The following SMYD3 variants were observed in gnomAD, a reference collection of about 807,000 sequenced individuals.
SMYD3 encodes histone-lysine N-methyltransferase SMYD3.
A neutral mutation model predicts 57.7 loss-of-function variants in SMYD3; 36 were observed. That is an observed-to-expected ratio of 0.62 (90% CI 0.48 to 0.82). The LOEUF (loss-of-function observed/expected upper bound fraction) is 0.82, where lower values mean the gene tolerates loss of function less well. SMYD3 is among the 40% of genes least tolerant of loss of function. The pLI is 0.00. For synonymous variants in SMYD3, 211 were observed against 195.0 expected, an observed-to-expected ratio of 1.08 and a Z score of -0.68; for missense variants, 515 against 538.8, an observed-to-expected ratio of 0.96 and a Z score of 0.44.
At chr1:246,366,615 C>T (rs2066106437) in intron 1 of SMYD3, among the ~76,000 whole-genome samples, 2 of 151,614 alleles carry the variant, frequency 1.3e-5, no homozygotes, top group Non-Finnish European at 2.9e-5. Flanking sequence ...TAATTTCAAC[C>T]TCAGTGACAC....
At chr1:246,187,950 C>T (rs946095301) in intron 5 of SMYD3, among the ~76,000 whole-genome samples, 1 of 151,792 alleles carries the variant, frequency 6.6e-6, no homozygotes, top group East Asian at 1.9e-4. Flanking sequence ...ACATTCCTCA[C>T]GTGCACTGAG....
chr1:245,920,235 C>T (rs939747425), intron 7 of SMYD3, among the ~76,000 whole-genome samples: 9 of 146,660 alleles, frequency 6.1e-5, no homozygotes, highest in African/African-American at 2.0e-4. Context: ...ATGGCGTGAA[C>T]TCGGGAGGCG....
chr1:246,352,680 A>G (rs1311623599), intron 2 of SMYD3, among the ~76,000 whole-genome samples: 1 of 152,170 alleles, frequency 6.6e-6, no homozygotes, highest in Non-Finnish European at 1.5e-5. Context: ...AACAGCTAAT[A>G]TATGTAGTAA....
At chr1:245,889,224 A>G (rs979905934) in intron 8 of SMYD3, among the ~76,000 whole-genome samples, 14 of 152,212 alleles carry the variant, frequency 9.2e-5, no homozygotes, top group African/African-American at 3.1e-4. Flanking sequence ...GTTGAGCCCG[A>G]TTAACAGATA....
intron 8 of SMYD3, among the ~76,000 whole-genome samples, chr1:245,882,179 A>T (rs1315791168): frequency 6.6e-6 from 1 of 152,162 alleles, no homozygotes; most frequent in African/African-American, 2.4e-5. Flanking sequence ...CACTCACAGG[A>T]TTATACATGT....
At chr1:246,383,943 G>GTATT (rs2066429011) in intron 1 of SMYD3, among the ~76,000 whole-genome samples, 1 of 152,058 alleles carries the variant, frequency 6.6e-6, no homozygotes. Context: ...AACATTTATA[G>GTATT]TCAAGGGAAA....
chr1:245,986,107 G>A (rs903579568), intron 5 of SMYD3, among the ~76,000 whole-genome samples: 2 of 152,172 alleles, frequency 1.3e-5, no homozygotes, highest in Non-Finnish European at 1.5e-5. Flanking sequence ...CGTTTTTAGC[G>A]TTTAATTCTC....
intron 8 of SMYD3, among the ~76,000 whole-genome samples, chr1:245,910,405 A>G (rs1313211627): frequency 6.6e-6 from 1 of 152,172 alleles, no homozygotes; most frequent in African/African-American, 2.4e-5. Flanking sequence ...CCATATCAAA[A>G]TATCAATGAC....
chr1:246,012,043 T>G (rs2059291456), intron 5 of SMYD3, among the ~76,000 whole-genome samples: 1 of 152,148 alleles, frequency 6.6e-6, no homozygotes, highest in Non-Finnish European at 1.5e-5. Flanking sequence ...AATATCATTA[T>G]CCACTGATAC....
At chr1:246,303,294 C>T (rs117050949) in intron 5 of SMYD3, among the ~76,000 whole-genome samples, 1 of 152,138 alleles carries the variant, frequency 6.6e-6, no homozygotes, top group African/African-American at 2.4e-5. Flanking sequence ...GATTCCTGCA[C>T]CCCTGGAGTA....
intron 1 of SMYD3, among the ~76,000 whole-genome samples, chr1:246,362,187 C>T (rs1275265956): frequency 6.6e-6 from 1 of 152,108 alleles, no homozygotes; most frequent in African/African-American, 2.4e-5. Context: ...AAATCCAGTC[C>T]ATAAACTGGT....
chr1:246,312,553 G>A (rs920345991), intron 5 of SMYD3, among the ~76,000 whole-genome samples: 8 of 152,152 alleles, frequency 5.3e-5, no homozygotes, highest in Admixed American at 1.3e-4. Flanking sequence ...AGATTGCAAC[G>A]TCAAGAGAGA....
intron 5 of SMYD3, among the ~76,000 whole-genome samples, chr1:246,153,284 A>AT (rs1010858544): frequency 1.7e-4 from 26 of 152,066 alleles, no homozygotes; most frequent in African/African-American, 6.3e-4. Flanking sequence ...TACACAGACC[A>AT]TCCATTCTCC....
At chr1:246,308,460 A>G (rs1420201924) in intron 5 of SMYD3, among the ~76,000 whole-genome samples, 1 of 152,054 alleles carries the variant, frequency 6.6e-6, no homozygotes, top group African/African-American at 2.4e-5. Flanking sequence ...AACAAATAAT[A>G]CTAAATATTA....
At chr1:245,888,370 T>G (rs537633183) in intron 8 of SMYD3, among the ~76,000 whole-genome samples, 1 of 152,228 alleles carries the variant, frequency 6.6e-6, no homozygotes, top group Non-Finnish European at 1.5e-5. Flanking sequence ...GGAAGTGATC[T>G]CTCAAGAAAA....
chr1:246,137,944 C>G (rs2148098488), intron 5 of SMYD3, among the ~76,000 whole-genome samples: 1 of 152,252 alleles, frequency 6.6e-6, no homozygotes, highest in African/African-American at 2.4e-5. Flanking sequence ...GATTATTACC[C>G]TGAATTTTAG....
chr1:245,834,186 A>G (rs2049990372), intron 10 of SMYD3, among the ~76,000 whole-genome samples: 1 of 151,920 alleles, frequency 6.6e-6, no homozygotes, highest in African/African-American at 2.4e-5. Context: ...CTTCCTCATA[A>G]AGGAATGCTC....
intron 5 of SMYD3, among the ~76,000 whole-genome samples, chr1:246,098,989 AT>A (rs2060963140): frequency 6.6e-6 from 1 of 152,168 alleles, no homozygotes; most frequent in Non-Finnish European, 1.5e-5. Flanking sequence ...AACATTTCCT[AT>A]TTTGCTTTTC....
chr1:246,031,745 A>AAAT (rs2059680465), intron 5 of SMYD3, among the ~76,000 whole-genome samples: 1 of 151,918 alleles, frequency 6.6e-6, no homozygotes, highest in Non-Finnish European at 1.5e-5. Flanking sequence ...TCGAAAAAAA[A>AAAT]AAAAAAAGTT....
Sources: allele counts gnomAD v4.1 joint callset (sites outside exome capture counted in the v4.1 genomes callset), GRCh38; gene constraint gnomAD v4.1.1; transcripts MANE v1.5; gene names NCBI Gene and HGNC (gene_info 2026-07-23, HGNC 2026-07-21).